The following NRXN1 variants were observed in gnomAD, a reference collection of about 807,000 sequenced individuals.
The protein encoded by NRXN1 is neurexin 1.
In NRXN1, 39 loss-of-function variants were observed where a neutral mutation model predicts 150.9. That is an observed-to-expected ratio of 0.26 (90% CI 0.20 to 0.34). NRXN1 has a LOEUF of 0.34. Ranked by LOEUF, NRXN1 falls within the 10% of genes least tolerant of loss-of-function variation. The pLI is 1.00. For synonymous variants in NRXN1, 924 were observed against 757.0 expected, an observed-to-expected ratio of 1.22 and a Z score of -3.62; for missense variants, 1,815 against 1,949.9, an observed-to-expected ratio of 0.93 and a Z score of 1.30.
chr2:50,933,168 A>C (rs1223345612), intron 2 of NRXN1, among the ~76,000 whole-genome samples: 2 of 152,146 alleles, frequency 1.3e-5, no homozygotes, highest in Non-Finnish European at 2.9e-5. Flanking sequence ...CAAAGAAAGA[A>C]TTATTCCATA....
chr2:50,898,511 T>A, intron 5 of NRXN1: 1 of 402,848 alleles, frequency 2.5e-6, no homozygotes, highest in South Asian at 1.8e-5. Flanking sequence ...TATAACACAT[T>A]TTTATGAAAT....
intron 5 of NRXN1, among the ~76,000 whole-genome samples, chr2:50,847,532 C>T (rs867145185): frequency 3.9e-5 from 6 of 152,264 alleles, no homozygotes; most frequent in Middle Eastern, 3.4e-3. Flanking sequence ...TCCACCCCCA[C>T]GGACCCAGGT....
At chr2:50,358,657 C>A (rs116198454) in intron 17 of NRXN1, among the ~76,000 whole-genome samples, 71 of 152,358 alleles carry the variant, frequency 4.7e-4, no homozygotes, top group African/African-American at 1.7e-3. Context: ...GGCACAGCTT[C>A]AGCCAACTTA....
At chr2:49,984,013 A>C (rs1034009206) in intron 21 of NRXN1, among the ~76,000 whole-genome samples, 1 of 114,978 alleles carries the variant, frequency 8.7e-6, no homozygotes, top group Non-Finnish European at 2.1e-5. Flanking sequence ...AATTAAAAAA[A>C]AAATTAGCTG....
chr2:50,175,216 C>G (rs2060279450), intron 18 of NRXN1: 1 of 152,170 alleles, frequency 6.6e-6, no homozygotes, highest in Non-Finnish European at 1.5e-5. Context: ...AGAACCCCTC[C>G]TGAAATAAGA....
intron 5 of NRXN1, among the ~76,000 whole-genome samples, chr2:50,914,820 A>T (rs1357151922): frequency 2.6e-5 from 4 of 151,692 alleles, no homozygotes; most frequent in African/African-American, 9.7e-5. Context: ...AGGAAACTTG[A>T]CAAACTTGTT....
chr2:50,251,510 A>G (rs142135654), intron 17 of NRXN1, among the ~76,000 whole-genome samples: 82 of 152,248 alleles, frequency 5.4e-4, no homozygotes, highest in Non-Finnish European at 8.5e-4. Context: ...GTGTATCTTT[A>G]TAATAGAATG....
At chr2:50,712,240 A>C (rs960830376) in intron 5 of NRXN1, among the ~76,000 whole-genome samples, 4 of 152,116 alleles carry the variant, frequency 2.6e-5, no homozygotes, top group African/African-American at 4.8e-5. Flanking sequence ...GGTTCCAAGT[A>C]AGAGGTGTCA....
At chr2:50,819,362 A>T (rs759482497) in intron 5 of NRXN1, among the ~76,000 whole-genome samples, 3 of 152,182 alleles carry the variant, frequency 2.0e-5, no homozygotes, top group Non-Finnish European at 4.4e-5. Context: ...AGAAATAGGA[A>T]CATCTTGTTA....
intron 5 of NRXN1, among the ~76,000 whole-genome samples, chr2:50,797,352 AG>A (rs1447373156): frequency 6.6e-6 from 1 of 152,078 alleles, no homozygotes; most frequent in African/African-American, 2.4e-5. Flanking sequence ...ATTGCTCCCC[AG>A]GAGACATTTG....
intron 5 of NRXN1, among the ~76,000 whole-genome samples, chr2:50,890,138 T>A (rs894041886): frequency 5.3e-5 from 8 of 151,818 alleles, no homozygotes; most frequent in African/African-American, 1.9e-4. Flanking sequence ...TGTATAATGC[T>A]TCTTTGTATT....
intron 17 of NRXN1, among the ~76,000 whole-genome samples, chr2:50,440,401 TTTA>T (rs147029219): frequency 3.3e-5 from 5 of 151,456 alleles, no homozygotes; most frequent in Non-Finnish European, 2.9e-5. Flanking sequence ...GACTATAGTC[TTTA>T]TTATTATTAT....
intron 5 of NRXN1, among the ~76,000 whole-genome samples, chr2:50,844,403 C>T (rs1267903001): frequency 6.6e-6 from 1 of 152,174 alleles, no homozygotes; most frequent in East Asian, 1.9e-4. Context: ...TGGTGACCTT[C>T]TAGGTGCATG....
chr2:50,546,001 A>AATTTTTTTCCATTT (rs1318583880), intron 9 of NRXN1, among the ~76,000 whole-genome samples: 1 of 152,176 alleles, frequency 6.6e-6, no homozygotes, highest in Non-Finnish European at 1.5e-5. Flanking sequence ...GAGCAGACTC[A>AATTTTTTTCCATTT]ATTTTTTTCC....
intron 18 of NRXN1, among the ~76,000 whole-genome samples, chr2:50,219,689 C>G (rs1464289550): frequency 6.6e-6 from 1 of 150,434 alleles, no homozygotes; most frequent in Non-Finnish European, 1.5e-5. Context: ...GAGTTAGAGA[C>G]CAACCTGGGC....
At chr2:49,951,093 G>C (rs1157869884) in intron 21 of NRXN1, among the ~76,000 whole-genome samples, 1 of 151,892 alleles carries the variant, frequency 6.6e-6, no homozygotes, top group Non-Finnish European at 1.5e-5. Context: ...ATCTTACTCA[G>C]TCTAACGTTC....
At chr2:50,505,706 G>A (rs528234756) in intron 13 of NRXN1, among the ~76,000 whole-genome samples, 9 of 152,128 alleles carry the variant, frequency 5.9e-5, no homozygotes, top group Non-Finnish European at 1.3e-4. Context: ...CATTGACACA[G>A]TTGACTGTTC....
At chr2:50,762,613 T>G (rs1701932951) in intron 5 of NRXN1, among the ~76,000 whole-genome samples, 1 of 151,978 alleles carries the variant, frequency 6.6e-6, no homozygotes, top group African/African-American at 2.4e-5. Context: ...GTTGCTGCAT[T>G]TATTCACTTA....
At chr2:50,649,172 G>C (rs1255427015) in intron 5 of NRXN1, among the ~76,000 whole-genome samples, 1 of 146,770 alleles carries the variant, frequency 6.8e-6, no homozygotes, top group Non-Finnish European at 1.5e-5. Context: ...ATTTTGGATA[G>C]TTTGAATTAT....
Sources: gnomAD v4.1 joint callset for allele counts (sites outside exome capture counted in the v4.1 genomes callset) on GRCh38, gnomAD v4.1.1 for gene constraint, MANE v1.5 for transcripts, NCBI Gene and HGNC (gene_info 2026-07-23, HGNC 2026-07-21) for gene names.